CNTN5: variants seen among roughly 807,000 people sequenced by gnomAD.
The protein encoded by CNTN5 is contactin-5.
Under a neutral mutation model 129.1 loss-of-function variants are expected in CNTN5, and 77 were observed. That is an observed-to-expected ratio of 0.60 (90% CI 0.50 to 0.72). CNTN5 has a LOEUF of 0.72. Among genes scored for constraint, CNTN5 ranks in the 30% least tolerant of loss-of-function variants. The pLI is 0.00. For synonymous variants in CNTN5, 509 were observed against 465.6 expected (o/e 1.09, Z -1.20); for missense variants, 1,478 against 1,328.8 (o/e 1.11, Z -1.75).
chr11:99,511,574 C>T (rs1402716241), intron 2 of CNTN5, among the ~76,000 whole-genome samples: 1 of 151,958 alleles, frequency 6.6e-6, no homozygotes, highest in Non-Finnish European at 1.5e-5. Context: ...TGGTGCAGAG[C>T]TGAATTCAAT....
At chr11:100,261,821 G>A (rs951435400) in intron 17 of CNTN5, among the ~76,000 whole-genome samples, 2 of 152,170 alleles carry the variant, frequency 1.3e-5, no homozygotes, top group East Asian at 1.9e-4. Flanking sequence ...AGACTTAAAC[G>A]TAAGACCTAA....
intron 1 of CNTN5, among the ~76,000 whole-genome samples, chr11:99,188,746 A>C (rs979719807): frequency 1.3e-5 from 2 of 151,710 alleles, no homozygotes; most frequent in Non-Finnish European, 3.0e-5. Flanking sequence ...TAATTGACAA[A>C]AAAAATTTAT....
chr11:99,121,991 A>T (rs561880181), intron 1 of CNTN5, among the ~76,000 whole-genome samples: 16 of 151,828 alleles, frequency 1.1e-4, no homozygotes, highest in African/African-American at 2.2e-4. Context: ...ATATATATAT[A>T]TTTTTATTAT....
intron 1 of CNTN5, among the ~76,000 whole-genome samples, chr11:99,320,043 C>A (rs956168038): frequency 2.2e-4 from 34 of 152,104 alleles, no homozygotes; most frequent in African/African-American, 7.2e-4. Flanking sequence ...AGTTCGAGAC[C>A]AGCCTGGCCA....
chr11:100,038,418 G>A (rs1193091107), intron 9 of CNTN5, among the ~76,000 whole-genome samples: 2 of 152,230 alleles, frequency 1.3e-5, no homozygotes, highest in Admixed American at 6.5e-5. Flanking sequence ...TAGGTGTGGT[G>A]TGGTGTTGAA....
At chr11:99,706,592 A>G (rs1203139335) in intron 3 of CNTN5, among the ~76,000 whole-genome samples, 4 of 151,510 alleles carry the variant, frequency 2.6e-5, no homozygotes, top group Non-Finnish European at 5.9e-5. Context: ...CTTGATTTAA[A>G]ATTCCCATTT....
At chr11:99,822,269 TG>T (rs1946825079) in intron 4 of CNTN5, among the ~76,000 whole-genome samples, 1 of 152,146 alleles carries the variant, frequency 6.6e-6, no homozygotes, top group African/African-American at 2.4e-5. Flanking sequence ...ATATACAACT[TG>T]GAGAAACCTT....
intron 12 of CNTN5, among the ~76,000 whole-genome samples, chr11:100,073,559 T>G (rs1360531197): frequency 2.0e-5 from 3 of 151,964 alleles, no homozygotes; most frequent in Admixed American, 6.6e-5. Context: ...TGTTTTGATC[T>G]AAATTATAGT....
chr11:99,262,979 A>C (rs898477292), intron 1 of CNTN5, among the ~76,000 whole-genome samples: 1 of 152,026 alleles, frequency 6.6e-6, no homozygotes, highest in Non-Finnish European at 1.5e-5. Flanking sequence ...TTCTTTCCCT[A>C]TGTCAAAATG....
intron 3 of CNTN5, among the ~76,000 whole-genome samples, chr11:99,619,208 T>G (rs1469755579): frequency 6.6e-6 from 1 of 152,066 alleles, no homozygotes; most frequent in Non-Finnish European, 1.5e-5. Context: ...AAAACTATAT[T>G]AGATTTTAAC....
At chr11:99,426,222 G>A (rs1943113591) in intron 2 of CNTN5, among the ~76,000 whole-genome samples, 1 of 152,120 alleles carries the variant, frequency 6.6e-6, no homozygotes, top group Admixed American at 6.6e-5. Context: ...CAAAAAGACT[G>A]AATTTACAAT....
intron 4 of CNTN5, among the ~76,000 whole-genome samples, chr11:99,827,942 G>A (rs1024591485): frequency 6.6e-6 from 1 of 152,130 alleles, no homozygotes; most frequent in African/African-American, 2.4e-5. Flanking sequence ...AAACAGAGAT[G>A]TACTTTTTAC....
intron 1 of CNTN5, among the ~76,000 whole-genome samples, chr11:99,166,122 G>A (rs1356241029): frequency 6.6e-6 from 1 of 152,120 alleles, no homozygotes; most frequent in Non-Finnish European, 1.5e-5. Flanking sequence ...GAGTAATTAT[G>A]ACTGGGCACG....
chr11:99,934,032 T>C (rs1950251900), intron 7 of CNTN5, among the ~76,000 whole-genome samples: 1 of 152,234 alleles, frequency 6.6e-6, no homozygotes, highest in Admixed American at 6.5e-5. Flanking sequence ...GTTGCTATCA[T>C]TCTATGTTTG....
chr11:99,785,482 A>G (rs996814496), intron 3 of CNTN5, among the ~76,000 whole-genome samples: 6 of 152,068 alleles, frequency 3.9e-5, no homozygotes, highest in Non-Finnish European at 8.8e-5. Flanking sequence ...GCCCATGCGT[A>G]TGTCCTGAAT....
At chr11:100,022,339 T>A (rs1056110869) in intron 9 of CNTN5, among the ~76,000 whole-genome samples, 2 of 152,220 alleles carry the variant, frequency 1.3e-5, no homozygotes, top group Non-Finnish European at 2.9e-5. Flanking sequence ...CTTAAAGTAG[T>A]TATTGACATG....
intron 3 of CNTN5, among the ~76,000 whole-genome samples, chr11:99,668,221 A>G (rs1490977772): frequency 6.6e-6 from 1 of 152,162 alleles, no homozygotes; most frequent in Non-Finnish European, 1.5e-5. Flanking sequence ...GGACACAACT[A>G]GGCAGTGTCC....
chr11:99,994,028 C>A (rs1042943691), intron 8 of CNTN5, among the ~76,000 whole-genome samples: 2 of 151,920 alleles, frequency 1.3e-5, no homozygotes, highest in Non-Finnish European at 2.9e-5. Context: ...CTCTTGGGGC[C>A]AGAAGTGAGG....
chr11:99,066,067 C>T (rs1313270697), intron 1 of CNTN5, among the ~76,000 whole-genome samples: 4 of 152,072 alleles, frequency 2.6e-5, no homozygotes, highest in South Asian at 2.1e-4. Flanking sequence ...TATAGATACA[C>T]GCATATGCCA....
Sources: allele counts gnomAD v4.1 joint callset (sites outside exome capture counted in the v4.1 genomes callset), GRCh38; gene constraint gnomAD v4.1.1; transcripts MANE v1.5; gene names NCBI Gene and HGNC (gene_info 2026-07-23, HGNC 2026-07-21).